MUC5AC: variants seen among roughly 807,000 people sequenced by gnomAD.
MUC5AC encodes mucin-5AC.
Under a neutral mutation model 169.7 loss-of-function variants are expected in MUC5AC, and 158 were observed. The observed-to-expected ratio is 0.93, with a 90% CI of 0.82 to 1.06. The LOEUF (loss-of-function observed/expected upper bound fraction) is 1.06, where lower values mean the gene tolerates loss of function less well. MUC5AC is among the 50% of genes least tolerant of loss of function. MUC5AC has a pLI of 0.00. For missense variants in MUC5AC, 4,359 were observed against 3,089.9 expected (o/e 1.41, Z -9.74); for synonymous variants, 1,975 against 1,237.0 (o/e 1.60, Z -12.52).
Position 1,188,912 on chromosome 11 carries a change from C to T in MUC5AC, c.10767C>T (p.Ser3589=), listed in dbSNP as rs1229090398. The change falls in exon 31 of 49, where the codon AGC becomes AGT. Residue 3589 remains serine, a synonymous_variant. Transcript: ENST00000621226. ...ACCTGGGCCAGGTGGTGCAGTGCAG[C>T]CGCGAAGAGGGCCTGGTGTGCCGGA... ...IEHLGQVVQC[S]REEGLVCRNQ... 4.2e-5 allele frequency: 32 copies of T among 760,332 alleles called. No homozygotes were observed. The highest frequency in any genetic ancestry group is 6.8e-5 in the South Asian group (5 of 73,842). 47.1% of individuals were successfully genotyped at this position (760,332 alleles called of 1,614,324 possible).
Position 1,195,898 on chromosome 11 carries a change from G to A in MUC5AC, c.15481G>A (p.Val5161Met). ...CAGGGTCTTTGAGCCGTGCCACACT[G>A]TGATCCCCCCACTGCTGTTCTATGA... ...LSKVFEPCHTVIPPLLFYEGC... is the reference protein window; with the variant it reads ...LSKVFEPCHTMIPPLLFYEGC... Residue 5161 changes from valine (V) to methionine (M), a missense_variant, in exon 37 of 49, where the codon GTG becomes ATG. By Grantham distance (21) the Val-to-Met change is conservative. Transcript: ENST00000621226. 1 of 764,750 alleles carries A rather than the reference G, an allele frequency of 1.3e-6. No individual in the cohort carries two copies. The highest frequency in any genetic ancestry group is 1.3e-5 in the South Asian group (1 of 74,606). The allele number at this position is 764,750 out of a possible 1,614,324, so 47.4% of individuals were successfully genotyped here.
intron 19 of MUC5AC, among the ~76,000 whole-genome samples, chr11:1,175,738 A>T (rs1860661566): frequency 8.2e-6 from 1 of 122,196 alleles, no homozygotes; most frequent in African/African-American, 3.2e-5. Flanking sequence ...TCATGCACAC[A>T]CACCGTCATG....
At chr11:1,168,423 C>T (rs546212279) in intron 12 of MUC5AC, 60 bp from the exon 13 acceptor site, 291 of 1,527,388 alleles carry the variant, frequency 1.9e-4, no homozygotes, top group Non-Finnish European at 2.4e-4. Context: ...TCACAGCCTC[C>T]GCGGGGCTGA....
intron 15 of MUC5AC, among the ~76,000 whole-genome samples, chr11:1,171,250 TCATC>T (rs1169125362): frequency 9.6e-6 from 1 of 104,136 alleles, no homozygotes; most frequent in South Asian, 3.7e-4. Context: ...ATTCACCCAC[TCATC>T]CACTCACCCA....
chr11:1,177,787 G>A (rs1860722894), intron 24 of MUC5AC, among the ~76,000 whole-genome samples, 154 bp downstream of exon 24: 1 of 152,216 alleles, frequency 6.6e-6, no homozygotes, highest in South Asian at 2.1e-4. Flanking sequence ...GCCTTGGCAA[G>A]GGCAGCGGGT....
intron 31 of MUC5AC, 78 bp from the exon 32 acceptor site, chr11:1,192,705 C>T: frequency 1.4e-6 from 1 of 692,352 alleles, no homozygotes; most frequent in Non-Finnish European, 2.6e-6. Context: ...TAGAAAGTGC[C>T]CCTCTGGCTC....
chr11:1,196,545 C>T, intron 38 of MUC5AC, 70 bp downstream of exon 38: 1 of 763,928 alleles, frequency 1.3e-6, no homozygotes, highest in Non-Finnish European at 2.4e-6. Flanking sequence ...CCCGCTGCAT[C>T]TCCCACTCCC....
Position 1,192,991 on chromosome 11 carries a change from C to A in MUC5AC, c.14580+9C>A. ...CGGTTCCCCCCAGAAAGGTAACCCCCTACTTCTCACCCTTCTGAAGGCTCA... is the reference window on the plus strand; with the variant it reads ...CGGTTCCCCCCAGAAAGGTAACCCCATACTTCTCACCCTTCTGAAGGCTCA... On this transcript the variant is annotated intron_variant, in intron 32 of 48. Transcript: ENST00000621226. 1 of 693,258 alleles carries A rather than the reference C, an allele frequency of 1.4e-6. No homozygotes were observed. The highest frequency in any genetic ancestry group is 2.7e-6 in the Non-Finnish European group (1 of 376,208). The allele number at this position is 693,258 out of a possible 1,614,324, so 42.9% of individuals were successfully genotyped here. A position where few individuals can be genotyped will look rare whatever the true frequency, so the allele number is the denominator to read the frequency against.
At chr11:1,196,594 C>T (rs1287985206) in intron 38 of MUC5AC, 23 bp from the exon 39 acceptor site, 1 of 761,268 alleles carries the variant, frequency 1.3e-6, no homozygotes, top group Non-Finnish European at 2.4e-6. Flanking sequence ...AAAGGAGACC[C>T]ACCAACCCTA....
intron 1 of MUC5AC, among the ~76,000 whole-genome samples, chr11:1,159,020 G>A (rs1860045952): frequency 6.6e-6 from 1 of 152,244 alleles, no homozygotes; most frequent in African/African-American, 2.4e-5. Flanking sequence ...CCAGGAGAGG[G>A]CGGAGCTGGG....
At position 1,189,775 on chromosome 11, in the gene MUC5AC, C is replaced by T. The variant is rs1385558871; in HGVS notation, c.11630C>T (p.Thr3877Ile). ...PTASTISAPT[T>I]STTSFHTTST... is the part of the protein sequence containing the mutation. The stretch of plus-strand genomic sequence containing the variant: ...GCCAGCACAATCTCTGCCCCTACAA[C>T]CAGCACAACCTCTTTCCATACAACC... Residue 3877 changes from threonine to isoleucine, a missense_variant, in exon 31 of 49, where the codon ACC becomes ATC. Coordinates refer to ENST00000621226, the MANE Select transcript of MUC5AC (RefSeq NM_001304359.2). The T allele has an allele frequency of 2.9e-6, 2 of 692,244 alleles. No homozygotes were observed. The highest frequency in any genetic ancestry group is 3.5e-5 in the African/African-American group (2 of 57,294). 42.9% of individuals were successfully genotyped at this position (692,244 alleles called of 1,614,324 possible). A position where few individuals can be genotyped will look rare whatever the true frequency, so the allele number is the denominator to read the frequency against.
At chr11:1,194,722 G>C in intron 35 of MUC5AC, 52 bp downstream of exon 35, 1 of 704,950 alleles carries the variant, frequency 1.4e-6, no homozygotes, top group East Asian at 2.5e-5. Context: ...GGGCGGGGGT[G>C]CCGGGCAGGG....
intron 9 of MUC5AC, among the ~76,000 whole-genome samples, chr11:1,164,755 A>C (rs1590134713): frequency 7.9e-6 from 1 of 126,902 alleles, no homozygotes; most frequent in Non-Finnish European, 1.7e-5. Flanking sequence ...CTGGTTGAGA[A>C]TCCTGTCCTG....
rs1861052470 is a variant in MUC5AC, at chr11:1,190,125, C to T, written c.11980C>T (p.Pro3994Ser). The change falls in exon 31 of 49, where the codon CCT (proline) becomes TCT (serine). Residue 3994 changes from proline to serine, a missense_variant. Pro to Ser is a moderately conservative substitution (Grantham distance 74). Coordinates refer to ENST00000621226, the MANE Select transcript of MUC5AC (RefSeq NM_001304359.2). Reference sequence around the variant, plus strand: ...GAGTGGGGAAAAAATCTGCCGCCGACCTGAGGAGATCACCAGGCTCCAGTG... The same window carrying T: ...GAGTGGGGAAAAAATCTGCCGCCGATCTGAGGAGATCACCAGGCTCCAGTG... ...IRSGEKICRR[P>S]EEITRLQCRA... 7 of 763,496 alleles carry T rather than the reference C, an allele frequency of 9.2e-6. No homozygotes were observed. The highest frequency in any genetic ancestry group is 8.1e-5 in the South Asian group (6 of 74,392). 47.3% of individuals were successfully genotyped at this position (763,496 alleles called of 1,614,324 possible).
At chr11:1,163,777 TC>T in intron 6 of MUC5AC, 104 bp from the exon 7 acceptor site, 1 of 902,114 alleles carries the variant, frequency 1.1e-6, no homozygotes. Context: ...CGATGGCCCT[TC>T]TAACCCCACC....
chr11:1,170,099 T>C (rs1860458327), intron 15 of MUC5AC, among the ~76,000 whole-genome samples: 2 of 108,034 alleles, frequency 1.9e-5, no homozygotes, highest in Non-Finnish European at 3.8e-5. Context: ...CTCACCTCAC[T>C]CACTCACCCA....
At chr11:1,161,684 T>G (rs770040008) in intron 3 of MUC5AC, 98 bp downstream of exon 3, 36 of 1,390,848 alleles carry the variant, frequency 2.6e-5, no homozygotes, top group Non-Finnish European at 3.4e-5. Context: ...GCCCCAGCTT[T>G]CCGGGTGAAC....
At chr11:1,176,290 C>G (rs936907039) in intron 20 of MUC5AC, 39 bp downstream of exon 20, 2 of 398,744 alleles carry the variant, frequency 5.0e-6, no homozygotes, top group Non-Finnish European at 8.8e-6. Flanking sequence ...GACCCTCCAT[C>G]TGCCCCTGCC....
chr11:1,192,910 C>G lies in MUC5AC; in HGVS notation c.14508C>G (p.Ala4836=). 2 of 763,140 alleles carry G rather than the reference C, an allele frequency of 2.6e-6. No homozygotes were observed. The highest frequency in any genetic ancestry group is 4.8e-6 in the Non-Finnish European group (2 of 416,936). 47.3% of individuals were successfully genotyped at this position (763,140 alleles called of 1,614,324 possible). A position where few individuals can be genotyped will look rare whatever the true frequency, so the allele number is the denominator to read the frequency against. The change falls in exon 32 of 49, where the codon GCC becomes GCG. Residue 4836 remains alanine (A), a synonymous_variant. Transcript: ENST00000621226. The part of the protein sequence containing the change: ...CPSTTLPPAP[A]TSPSISTSEP... ...CCACCACGCTGCCTCCTGCCCCAGC[C>G]ACGTCCCCTTCAATATCCACCTCCG...
Sources: allele counts gnomAD v4.1 joint callset (sites outside exome capture counted in the v4.1 genomes callset), GRCh38; gene constraint gnomAD v4.1.1; transcripts MANE v1.5; gene names NCBI Gene and HGNC (gene_info 2026-07-23, HGNC 2026-07-21).